Variants in PXDNL observed in about 807,000 individuals in gnomAD.
PXDNL encodes probable oxidoreductase PXDNL.
A neutral mutation model predicts 150.8 loss-of-function variants in PXDNL; 145 were observed. The ratio of observed to expected loss-of-function variants is 0.96; its 90% CI spans 0.84 to 1.10. The LOEUF is 1.10. Among genes scored for constraint, PXDNL ranks in the 50% least tolerant of loss-of-function variants. The pLI, the probability that PXDNL is intolerant of heterozygous loss-of-function variation, is 0.00. For synonymous variants in PXDNL, 757 were observed against 725.7 expected (o/e 1.04, Z -0.69); for missense variants, 2,087 against 1,873.9 (o/e 1.11, Z -2.10).
intron 1 of PXDNL, among the ~76,000 whole-genome samples, chr8:51,683,179 ATATATATATATATATATAT>A: frequency 8.1e-6 from 1 of 122,914 alleles, no homozygotes; most frequent in East Asian, 2.9e-4. Context: ...ATATATATAT[ATATATATATATATATATAT>A]ATGCCTATTA....
intron 17 of PXDNL, among the ~76,000 whole-genome samples, chr8:51,406,157 G>A (rs563359134): frequency 1.6e-4 from 24 of 152,284 alleles, no homozygotes; most frequent in African/African-American, 5.1e-4. Context: ...GAAACATTCC[G>A]GGTACTCTAA....
intron 17 of PXDNL, among the ~76,000 whole-genome samples, chr8:51,377,720 C>A (rs781583988): frequency 6.6e-6 from 1 of 152,334 alleles, no homozygotes; most frequent in African/African-American, 2.4e-5. Context: ...CAGCGCTGCG[C>A]TCGAATTCTC....
intron 8 of PXDNL, among the ~76,000 whole-genome samples, chr8:51,459,744 A>G (rs1321737801): frequency 1.3e-5 from 2 of 152,222 alleles, no homozygotes; most frequent in Non-Finnish European, 2.9e-5. Context: ...GTAAAAACAC[A>G]AAGGTTTGCA....
At chr8:51,625,090 T>C (rs1364801004) in intron 2 of PXDNL, among the ~76,000 whole-genome samples, 1 of 152,064 alleles carries the variant, frequency 6.6e-6, no homozygotes, top group Non-Finnish European at 1.5e-5. Flanking sequence ...ACCTGAAAAG[T>C]TACTGAAGGT....
intron 4 of PXDNL, among the ~76,000 whole-genome samples, chr8:51,523,549 A>T (rs1457627065): frequency 1.3e-5 from 2 of 152,222 alleles, no homozygotes; most frequent in Non-Finnish European, 2.9e-5. Context: ...GTATCAACTG[A>T]AAAACAAAAC....
chr8:51,326,847 G>A (rs1805511126), intron 21 of PXDNL, among the ~76,000 whole-genome samples: 1 of 152,086 alleles, frequency 6.6e-6, no homozygotes, highest in South Asian at 2.1e-4. Context: ...ACCTCAGAAT[G>A]TGATATTTTT....
intron 2 of PXDNL, among the ~76,000 whole-genome samples, chr8:51,608,855 A>AAAAAAG (rs1813936373): frequency 6.7e-6 from 1 of 150,002 alleles, no homozygotes; most frequent in African/African-American, 2.5e-5. Flanking sequence ...AAAAAAAAAA[A>AAAAAAG]AAAAGAAAGT....
chr8:51,557,785 T>C (rs752381324), intron 3 of PXDNL, among the ~76,000 whole-genome samples: 2 of 152,170 alleles, frequency 1.3e-5, no homozygotes, highest in Non-Finnish European at 2.9e-5. Context: ...TCTGCAGTCC[T>C]GCCTTAAAGG....
chr8:51,472,233 G>A lies in PXDNL; in HGVS notation c.766C>T (p.Arg256Trp), dbSNP rs747117837. 186 of 1,613,208 alleles carry A rather than the reference G, an allele frequency of 1.2e-4. 1 individual carries two copies. The highest frequency in any genetic ancestry group is 8.0e-4 in the Admixed American group (48 of 59,994). Residue 256 changes from arginine (R) to tryptophan (W), a missense_variant, in exon 8 of 23, where the codon CGG (arginine) becomes TGG (tryptophan). By Grantham distance (101) the Arg-to-Trp change is moderately radical. Transcript: ENST00000356297. ...PSGNTVYFTC[R>W]AEGNPKPEII... ...TCAGGTTTGGGGTTTCCTTCCGCCCGGCAGGTGAAGTAGACGGTATTTCCT... is the reference window on the plus strand; with the variant it reads ...TCAGGTTTGGGGTTTCCTTCCGCCCAGCAGGTGAAGTAGACGGTATTTCCT...
At chr8:51,681,288 G>A (rs1206153844) in intron 1 of PXDNL, among the ~76,000 whole-genome samples, 9 of 151,994 alleles carry the variant, frequency 5.9e-5, no homozygotes, top group Non-Finnish European at 1.3e-4. Flanking sequence ...CCCCATAAGA[G>A]AACTGCTCTT....
intron 17 of PXDNL, among the ~76,000 whole-genome samples, chr8:51,399,368 T>C (rs1002356959): frequency 6.6e-6 from 1 of 152,212 alleles, no homozygotes; most frequent in Non-Finnish European, 1.5e-5. Context: ...CAAATATTTG[T>C]ATATTCATAC....
At chr8:51,547,621 A>G (rs1178195158) in intron 4 of PXDNL, among the ~76,000 whole-genome samples, 2 of 151,808 alleles carry the variant, frequency 1.3e-5, no homozygotes, top group East Asian at 3.9e-4. Context: ...CTCTCAGAAA[A>G]CCCTATCCCT....
intron 1 of PXDNL, among the ~76,000 whole-genome samples, chr8:51,776,496 G>A (rs116624253): frequency 0.026 from 3,909 of 152,134 alleles, 177 homozygotes; most frequent in African/African-American, 0.088. Context: ...AAGAACCTAC[G>A]TGAAATAGCA....
chr8:51,339,482 A>T (rs1015119095), intron 21 of PXDNL, 142 bp downstream of exon 21: 1 of 833,878 alleles, frequency 1.2e-6, no homozygotes, highest in Admixed American at 3.2e-5. Flanking sequence ...GTAAAAACAA[A>T]AAAAAAGCAA....
chr8:51,613,483 GC>G (rs1814063749), intron 2 of PXDNL, among the ~76,000 whole-genome samples: 7 of 74,432 alleles, frequency 9.4e-5, no homozygotes, highest in African/African-American at 2.4e-4. Flanking sequence ...GCTTAAGGGG[GC>G]GGGGGGGGGG....
chr8:51,369,143 GACAT>G (rs1807015221), intron 19 of PXDNL, among the ~76,000 whole-genome samples: 1 of 152,150 alleles, frequency 6.6e-6, no homozygotes, highest in Admixed American at 6.5e-5. Context: ...ACTGAGTAGT[GACAT>G]AGTTTCTAGG....
intron 4 of PXDNL, among the ~76,000 whole-genome samples, chr8:51,514,408 A>G (rs533438333): frequency 6.6e-6 from 1 of 152,346 alleles, no homozygotes; most frequent in South Asian, 2.1e-4. Context: ...TCAGGTTGCT[A>G]TATACGGAAC....
chr8:51,340,693 A>G (rs1805962620), intron 20 of PXDNL, among the ~76,000 whole-genome samples: 1 of 152,218 alleles, frequency 6.6e-6, no homozygotes, highest in Non-Finnish European at 1.5e-5. Flanking sequence ...GGAAACAAAG[A>G]AAAATAACAA....
At chr8:51,471,739 T>C (rs562311935) in intron 8 of PXDNL, among the ~76,000 whole-genome samples, 1 of 151,072 alleles carries the variant, frequency 6.6e-6, no homozygotes, top group South Asian at 2.1e-4. Flanking sequence ...CAGGCTGGAG[T>C]GCAGTGGCAC....
Sources: gnomAD v4.1 joint callset for allele counts (sites outside exome capture counted in the v4.1 genomes callset) on GRCh38, gnomAD v4.1.1 for gene constraint, MANE v1.5 for transcripts, NCBI Gene and HGNC (gene_info 2026-07-23, HGNC 2026-07-21) for gene names.